EXOC2: variants seen among roughly 807,000 people sequenced by gnomAD.
EXOC2 encodes exocyst complex component 2.
EXOC2 carries 70 observed loss-of-function variants against 131.8 expected under a neutral mutation model. The observed-to-expected ratio is 0.53, with a 90% CI of 0.44 to 0.65. The LOEUF (loss-of-function observed/expected upper bound fraction) is 0.65. Among genes scored for constraint, EXOC2 ranks in the 30% least tolerant of loss-of-function variants. EXOC2 has a pLI of 0.00. For missense variants in EXOC2, 923 were observed against 1,108.6 expected, an observed-to-expected ratio of 0.83 and a Z score of 2.38; for synonymous variants, 411 against 398.4, an observed-to-expected ratio of 1.03 and a Z score of -0.38.
At chr6:575,672 TA>T (rs1261777917) in intron 12 of EXOC2, among the ~76,000 whole-genome samples, 14 of 152,350 alleles carry the variant, frequency 9.2e-5, no homozygotes, top group African/African-American at 3.4e-4. Flanking sequence ...CTTTTCTTTA[TA>T]AACTACCCAG....
intron 11 of EXOC2, among the ~76,000 whole-genome samples, chr6:590,938 C>T (rs1759506360): frequency 6.6e-6 from 1 of 152,160 alleles, no homozygotes; most frequent in South Asian, 2.1e-4. Flanking sequence ...TCAAGCTGTC[C>T]AAACAAAGAG....
intron 1 of EXOC2, chr6:656,028 T>C (rs1189548726): frequency 3.7e-6 from 4 of 1,090,948 alleles, no homozygotes; most frequent in Non-Finnish European, 5.4e-6. Flanking sequence ...GGTCCAAATT[T>C]TCAACCCAAT....
intron 23 of EXOC2, among the ~76,000 whole-genome samples, chr6:516,663 G>C (rs1765181561): frequency 1.3e-5 from 2 of 152,254 alleles, no homozygotes; most frequent in Admixed American, 6.5e-5. Context: ...GCTGGGCTGG[G>C]GGAAGAGGAT....
At chr6:487,110 T>C (rs1046280936) in intron 27 of EXOC2, among the ~76,000 whole-genome samples, 20 of 152,332 alleles carry the variant, frequency 1.3e-4, no homozygotes, top group East Asian at 1.9e-4. Flanking sequence ...TTTTGTTAGA[T>C]GGTTCTATGA....
chr6:593,034 C>A (rs1477957668), intron 10 of EXOC2, among the ~76,000 whole-genome samples: 2 of 151,900 alleles, frequency 1.3e-5, no homozygotes, highest in Non-Finnish European at 2.9e-5. Flanking sequence ...CATCTCCAAA[C>A]AAACAAACAA....
chr6:626,844 C>T (rs1268668219), intron 4 of EXOC2, among the ~76,000 whole-genome samples: 3 of 152,134 alleles, frequency 2.0e-5, no homozygotes, highest in East Asian at 1.9e-4. Context: ...CCGCCCGCCT[C>T]GGCCTCTCAA....
chr6:586,378 A>G (rs982660418), intron 11 of EXOC2, among the ~76,000 whole-genome samples: 1 of 152,338 alleles, frequency 6.6e-6, no homozygotes, highest in South Asian at 2.1e-4. Flanking sequence ...GATCCCTCCT[A>G]AGGGACTGGA....
chr6:493,777 ATACACAT>A (rs1763568270), intron 25 of EXOC2, among the ~76,000 whole-genome samples: 1 of 152,190 alleles, frequency 6.6e-6, no homozygotes, highest in Non-Finnish European at 1.5e-5. Context: ...CTTTTTCAAA[ATACACAT>A]GTCTGTCCAG....
chr6:599,292 C>A, intron 7 of EXOC2, 67 bp from the exon 8 acceptor site: 1 of 1,421,796 alleles, frequency 7.0e-7, no homozygotes. Context: ...TGTAACTGGG[C>A]ACTAGAAACA....
At chr6:610,386 C>G (rs1489160807) in intron 6 of EXOC2, among the ~76,000 whole-genome samples, 1 of 152,180 alleles carries the variant, frequency 6.6e-6, no homozygotes, top group African/African-American at 2.4e-5. Context: ...GTACCTAACA[C>G]ACATAATCAT....
intron 25 of EXOC2, among the ~76,000 whole-genome samples, chr6:493,492 T>C (rs2127471292): frequency 6.6e-6 from 1 of 152,354 alleles, no homozygotes; most frequent in Non-Finnish European, 1.5e-5. Flanking sequence ...TAGAGTGTTT[T>C]AATTAACCTG....
In EXOC2 at chr6:649,196, T is replaced by C. The variant is rs9502379; in HGVS notation, c.-43-11335A>G. On this transcript the variant is annotated intron_variant, in intron 1 of 27. Coordinates refer to ENST00000230449, the MANE Select transcript of EXOC2 (RefSeq NM_018303.6). Reference sequence around the variant, plus strand: ...CGCACCACTGTGCCCGGCCACAAACTAATTTTATCTTTGGAAAGCATAGGG... The same window carrying C: ...CGCACCACTGTGCCCGGCCACAAACCAATTTTATCTTTGGAAAGCATAGGG... Among the ~76,000 whole-genome samples the C allele has an allele frequency of 2.9e-3, 438 of 152,288 alleles. 1 individual carries two copies. Among genetic ancestry groups the C allele is most frequent in the African/African-American group, 0.01 (426 of 41,550 alleles).
intron 23 of EXOC2, among the ~76,000 whole-genome samples, chr6:510,201 A>G (rs557132393): frequency 2.0e-5 from 3 of 152,326 alleles, no homozygotes; most frequent in Admixed American, 1.3e-4. Flanking sequence ...TGTTGGACTA[A>G]CTAAAGAGTT....
chr6:658,666 T>TATATTTTATATATATATATATATATA (rs1554146211), intron 1 of EXOC2, among the ~76,000 whole-genome samples: 1 of 65,930 alleles, frequency 1.5e-5, no homozygotes, highest in Non-Finnish European at 3.6e-5. Flanking sequence ...TATATATATA[T>TATATTTTATATATATATATATATATA]TTTTTTTTTT....
In EXOC2 at chr6:566,610, G is replaced by A. The variant is rs141717039; in HGVS notation, c.1444-1681C>T. 2.6e-4 allele frequency among the ~76,000 whole-genome samples: 40 copies of A among 152,324 alleles called. 1 individual carries two copies. Among genetic ancestry groups the A allele is most frequent in the African/African-American group, 7.7e-4 (32 of 41,560 alleles). On this transcript the variant is annotated intron_variant, in intron 13 of 27. Transcript: ENST00000230449. ...GTTGGTGGTATGGGGTATGGGCATC[G>A]AGCAAATGAATGCCCTGCTCACTGA...
At chr6:640,189 GT>G (rs1762290743) in intron 1 of EXOC2, among the ~76,000 whole-genome samples, 1 of 152,178 alleles carries the variant, frequency 6.6e-6, no homozygotes, top group Non-Finnish European at 1.5e-5. Context: ...AGGCAAATGT[GT>G]TCTTCTTTGG....
intron 1 of EXOC2, chr6:656,325 A>G: frequency 1.9e-6 from 3 of 1,614,168 alleles, no homozygotes; most frequent in South Asian, 2.2e-5. Flanking sequence ...AGGGTTTCCA[A>G]GATTTTTAAA....
intron 4 of EXOC2, among the ~76,000 whole-genome samples, chr6:623,300 C>A (rs1371234189): frequency 1.3e-5 from 2 of 152,194 alleles, no homozygotes; most frequent in African/African-American, 4.8e-5. Context: ...ATGCGTCGTT[C>A]CTTCAGGCCC....
chr6:553,808 T>TA, intron 21 of EXOC2, 46 bp downstream of exon 21: 5 of 1,525,144 alleles, frequency 3.3e-6, no homozygotes, highest in Non-Finnish European at 4.5e-6. Context: ...AAATTGTTGT[T>TA]ACACAGTTTT....
Sources: gnomAD v4.1 joint callset for allele counts (sites outside exome capture counted in the v4.1 genomes callset) on GRCh38, gnomAD v4.1.1 for gene constraint, MANE v1.5 for transcripts, NCBI Gene and HGNC (gene_info 2026-07-23, HGNC 2026-07-21) for gene names.